PLAAT5: variants seen among roughly 807,000 people sequenced by gnomAD.
PLAAT5 encodes phospholipase A and acyltransferase 5, also known as Ca(2+)-independent N-acyltransferase.
PLAAT5 carries 27 observed loss-of-function variants against 27.8 expected under a neutral mutation model. The observed-to-expected ratio is 0.97, with a 90% CI of 0.72 to 1.34. PLAAT5 has a LOEUF of 1.34. Among genes scored for constraint, PLAAT5 ranks in the 40% most tolerant of loss-of-function variants. The pLI is 0.00. For missense variants in PLAAT5, 368 were observed against 343.8 expected (o/e 1.07, Z -0.56); for synonymous variants, 125 against 136.1 (o/e 0.92, Z 0.57).
intron 3 of PLAAT5, among the ~76,000 whole-genome samples, chr11:63,488,611 G>C (rs938237723): frequency 6.6e-6 from 1 of 151,710 alleles, no homozygotes; most frequent in Admixed American, 6.6e-5. Flanking sequence ...GCCCAGGACA[G>C]CTTTGAATGT....
Position 63,466,274 on chromosome 11 carries a change from T to C in PLAAT5, c.553A>G (p.Lys185Glu). ...LEDVLHGCSW[K>E]VNNKLDGTYL... ...GTCCCATCTAGCTTGTTATTGACCT[T>C]CCAGGAGCAGCCATGCAGCACATCC... Residue 185 changes from lysine (K) to glutamate (E), a missense_variant, in exon 5 of 6, where the codon AAG (lysine) becomes GAG (glutamate). Transcript: ENST00000540857. The C allele has an allele frequency of 6.2e-7, 1 of 1,614,096 alleles. No individual in the cohort carries two copies.
chr11:63,463,891 C>T (rs1370951626), intron 5 of PLAAT5, among the ~76,000 whole-genome samples: 7 of 152,122 alleles, frequency 4.6e-5, no homozygotes, highest in Non-Finnish European at 7.4e-5. Context: ...GCCACTGAGG[C>T]CCTCATTCTA....
intron 3 of PLAAT5, among the ~76,000 whole-genome samples, chr11:63,480,119 C>T (rs1469693273): frequency 1.3e-5 from 2 of 152,294 alleles, no homozygotes; most frequent in South Asian, 2.1e-4. Flanking sequence ...ACATGCGGTC[C>T]GTTCTTCACC....
At chr11:63,475,175 T>C (rs1426710530) in intron 3 of PLAAT5, among the ~76,000 whole-genome samples, 1 of 151,524 alleles carries the variant, frequency 6.6e-6, no homozygotes, top group African/African-American at 2.4e-5. Flanking sequence ...TGTCAGTTAG[T>C]TGCTTACATC....
Position 63,463,128 on chromosome 11 carries a change from T to C in PLAAT5, c.*375A>G. 1 of 189,526 alleles carries C rather than the reference T, an allele frequency of 5.3e-6. No individual in the cohort carries two copies. Among genetic ancestry groups the C allele is most frequent in the Non-Finnish European group, 1.1e-5 (1 of 92,102 alleles). The allele number at this position is 189,526 out of a possible 1,614,324, so 11.7% of individuals were successfully genotyped here. On this transcript the variant is annotated 3_prime_UTR_variant, in exon 6 of 6. Coordinates refer to ENST00000540857, the MANE Select transcript of PLAAT5 (RefSeq NM_001146729.2). ...ATCTGGAAAAAGACATCTTCGTTAC[T>C]GGAAATATTCAAGCAGAGGTTTCTG...
chr11:63,477,959 G>C (rs950277219), intron 3 of PLAAT5, among the ~76,000 whole-genome samples: 7 of 152,140 alleles, frequency 4.6e-5, no homozygotes, highest in Non-Finnish European at 7.3e-5. Context: ...GCAGCCTTGT[G>C]CATACCTTCT....
intron 3 of PLAAT5, among the ~76,000 whole-genome samples, chr11:63,487,243 T>C (rs1407932472): frequency 6.6e-6 from 1 of 152,036 alleles, no homozygotes; most frequent in Non-Finnish European, 1.5e-5. Flanking sequence ...TCTCAAAACA[T>C]ACAAACCAAT....
In PLAAT5 at chr11:63,466,306, C is replaced by T. The variant is rs200627293; in HGVS notation, c.521G>A (p.Arg174His). 671 of 1,614,158 alleles carry T rather than the reference C, an allele frequency of 4.2e-4. 7 individuals are homozygous for T. The South Asian group carries it at 6.8e-3, about 16-fold the overall frequency. ...FSNRAVVKYS[R>H]LEDVLHGCSW... is the part of the protein sequence containing the mutation. ...GCAGCCATGCAGCACATCCTCCAGA[C>T]GACTGTATTTCACCACGGCCCGATT... Residue 174 changes from arginine (R) to histidine (H), a missense_variant, in exon 5 of 6, where the codon CGT (arginine) becomes CAT (histidine). Transcript: ENST00000540857.
At chr11:63,473,156 C>T (rs752253872) in intron 3 of PLAAT5, among the ~76,000 whole-genome samples, 11 of 152,122 alleles carry the variant, frequency 7.2e-5, no homozygotes, top group Non-Finnish European at 1.5e-4. Context: ...TAAGTACAGG[C>T]ATGTCTCATT....
At chr11:63,471,446 A>G (rs1456693984) in intron 3 of PLAAT5, among the ~76,000 whole-genome samples, 2 of 152,162 alleles carry the variant, frequency 1.3e-5, no homozygotes, top group African/African-American at 2.4e-5. Context: ...CTTCATTCCT[A>G]TTGTTTATGT....
chr11:63,489,488 G>A (rs2016510762), intron 2 of PLAAT5, among the ~76,000 whole-genome samples: 1 of 152,150 alleles, frequency 6.6e-6, no homozygotes, highest in Non-Finnish European at 1.5e-5. Context: ...TTACAGGAGA[G>A]GACAGAAATG....
chr11:63,463,203 C>T lies in PLAAT5; in HGVS notation c.*300G>A, dbSNP rs886998931. On this transcript the variant is annotated 3_prime_UTR_variant, in exon 6 of 6. Coordinates refer to ENST00000540857, the MANE Select transcript of PLAAT5 (RefSeq NM_001146729.2). Reference sequence around the variant, plus strand: ...ATCGGAGACCAAGGTCAGCCTAAGACACAAGCAAGGTCCCATCCTACAAAG... The same window carrying T: ...ATCGGAGACCAAGGTCAGCCTAAGATACAAGCAAGGTCCCATCCTACAAAG... 1.6e-5 allele frequency: 5 copies of T among 318,666 alleles called. No homozygotes were observed. Among genetic ancestry groups the T allele is most frequent in the African/African-American group, 6.3e-5 (3 of 47,860 alleles). The allele number at this position is 318,666 out of a possible 1,614,324, so 19.7% of individuals were successfully genotyped here.
chr11:63,473,656 T>C (rs2016083237), intron 3 of PLAAT5, among the ~76,000 whole-genome samples: 1 of 152,032 alleles, frequency 6.6e-6, no homozygotes, highest in Non-Finnish European at 1.5e-5. Flanking sequence ...GGTATTGAGA[T>C]GATCATATGA....
At position 63,483,787 on chromosome 11, in the gene PLAAT5, ATATATATATATATGT is replaced by A. The variant is rs1565215113; in HGVS notation, c.345+5069_345+5083del. On this transcript the variant is annotated intron_variant, in intron 3 of 5. Transcript: ENST00000540857. Reference sequence around the variant, plus strand: ...AATGAAATTGAAGCAAAAAAAAAATATATATATATATATGTATATATATATATATATATATATATA... The same window carrying A: ...AATGAAATTGAAGCAAAAAAAAAATAATATATATATATATATATATATATA... Among the ~76,000 whole-genome samples, 124 of 72,732 alleles carry A rather than the reference ATATATATATATATGT, an allele frequency of 1.7e-3. 2 individuals are homozygous for A. Among genetic ancestry groups the A allele is most frequent in the African/African-American group, 9.4e-3 (119 of 12,674 alleles). 47.7% of individuals were successfully genotyped at this position (72,732 alleles called of 152,430 possible). A position where few individuals can be genotyped will look rare whatever the true frequency, so the allele number is the denominator to read the frequency against.
intron 3 of PLAAT5, among the ~76,000 whole-genome samples, chr11:63,475,380 C>A (rs1395417522): frequency 6.6e-6 from 1 of 151,996 alleles, no homozygotes; most frequent in East Asian, 1.9e-4. Flanking sequence ...ATGAATTCAC[C>A]TTTTGTCATT....
At chr11:63,475,571 C>T (rs1476584222) in intron 3 of PLAAT5, among the ~76,000 whole-genome samples, 3 of 152,004 alleles carry the variant, frequency 2.0e-5, no homozygotes, top group Admixed American at 1.3e-4. Context: ...CATATGATCT[C>T]TGCCTTTTTT....
At chr11:63,483,801 G>GTATATATATATATA (rs71039646) in intron 3 of PLAAT5, among the ~76,000 whole-genome samples, 2 of 24,150 alleles carry the variant, frequency 8.3e-5, no homozygotes, top group Non-Finnish European at 8.3e-5. Context: ...ATATATATAT[G>GTATATATATATATA]TATATATATA....
At chr11:63,482,415 C>T (rs1214222668) in intron 3 of PLAAT5, among the ~76,000 whole-genome samples, 1 of 152,186 alleles carries the variant, frequency 6.6e-6, no homozygotes, top group Non-Finnish European at 1.5e-5. Context: ...CAGCAGATTG[C>T]TCAGCAGAAA....
intron 4 of PLAAT5, among the ~76,000 whole-genome samples, chr11:63,467,913 C>T (rs528907738): frequency 1.3e-5 from 2 of 152,304 alleles, no homozygotes; most frequent in South Asian, 4.2e-4. Flanking sequence ...AGCAGCGAGA[C>T]AAGGTGAGGA....
Sources: allele counts gnomAD v4.1 joint callset (sites outside exome capture counted in the v4.1 genomes callset), GRCh38; gene constraint gnomAD v4.1.1; transcripts MANE v1.5; gene names NCBI Gene and HGNC (gene_info 2026-07-23, HGNC 2026-07-21).